LY96: variants seen among roughly 807,000 people sequenced by gnomAD.
LY96 encodes lymphocyte antigen 96.
Under a neutral mutation model 18.9 loss-of-function variants are expected in LY96, and 18 were observed. The observed-to-expected ratio is 0.95, with a 90% CI of 0.66 to 1.41. The LOEUF (loss-of-function observed/expected upper bound fraction) is 1.41. Ranked by LOEUF, LY96 falls within the 40% of genes most tolerant of loss-of-function variation. The pLI is 0.00. For missense variants in LY96, 175 were observed against 182.4 expected (o/e 0.96, Z 0.23); for synonymous variants, 66 against 62.6 (o/e 1.06, Z -0.26).
At chr8:74,015,438 T>C (rs1048636832) in intron 3 of LY96, among the ~76,000 whole-genome samples, 1 of 152,194 alleles carries the variant, frequency 6.6e-6, no homozygotes, top group African/African-American at 2.4e-5. Flanking sequence ...TGTCTTGCCT[T>C]GTAGATGGTC....
intron 2 of LY96, among the ~76,000 whole-genome samples, chr8:74,009,374 C>CAAAAAAAAAAAAAAAAAAAAAAA (rs370593442): frequency 5.1e-5 from 3 of 58,810 alleles, no homozygotes; most frequent in Admixed American, 2.0e-4. Flanking sequence ...CAGTCTTTCT[C>CAAAAAAAAAAAAAAAAAAAAAAA]AAAAAAAAAA....
chr8:74,079,593 T>C, the LY96 span: 1 of 152,202 alleles, frequency 6.6e-6, no homozygotes, highest in Non-Finnish European at 1.5e-5. Flanking sequence ...AAGATTAGGA[T>C]GGCCCCAGTG....
At chr8:74,011,517 G>A (rs1426763203) in intron 3 of LY96, among the ~76,000 whole-genome samples, 2 of 152,114 alleles carry the variant, frequency 1.3e-5, no homozygotes, top group African/African-American at 4.8e-5. Flanking sequence ...AATGTACAAA[G>A]AACTCAAGCA....
the LY96 span, among the ~76,000 whole-genome samples, chr8:74,095,321 T>C: frequency 3.3e-5 from 5 of 152,200 alleles, no homozygotes; most frequent in African/African-American, 1.2e-4. Context: ...CATAAAGCCT[T>C]TTCCTACACG....
chr8:74,062,574 C>A, the LY96 span, among the ~76,000 whole-genome samples: 1 of 152,140 alleles, frequency 6.6e-6, no homozygotes. Flanking sequence ...AGGACATGAT[C>A]TCATTCCTTT....
rs1816135382 is a variant in LY96, at chr8:73,996,372, C to CCTTCCTTCATTTCTTTCTTT, written c.112+4821_112+4822insCCTTCATTTCTTTCTTTCTT. Among the ~76,000 whole-genome samples the CCTTCCTTCATTTCTTTCTTT allele has an allele frequency of 2.1e-3, 232 of 111,004 alleles. 8 individuals carry two copies. Among genetic ancestry groups the CCTTCCTTCATTTCTTTCTTT allele is most frequent in the Middle Eastern group, 4.6e-3 (1 of 216 alleles). The allele number at this position is 111,004 out of a possible 152,430, so 72.8% of individuals were successfully genotyped here. On this transcript the variant is annotated intron_variant, in intron 1 of 4. Coordinates refer to ENST00000284818, the MANE Select transcript of LY96 (RefSeq NM_015364.5). ...TCCTTCCTTCCTTCCTTCCTTCATT[C>CCTTCCTTCATTTCTTTCTTT]CTTTCTTTCTTTCTTTCTTTCTTTC... is the stretch of plus-strand genomic sequence containing the variant.
At chr8:74,000,641 TC>T (rs1286885540) in intron 1 of LY96, among the ~76,000 whole-genome samples, 1 of 152,210 alleles carries the variant, frequency 6.6e-6, no homozygotes, top group African/African-American at 2.4e-5. Flanking sequence ...CAAAGCTGCT[TC>T]CATATTTTTA....
the LY96 span, among the ~76,000 whole-genome samples, chr8:74,077,100 T>C: frequency 6.6e-6 from 1 of 152,198 alleles, no homozygotes; most frequent in Non-Finnish European, 1.5e-5. Flanking sequence ...AAGAGATGCA[T>C]AGGGCAACAT....
chr8:74,040,682 A>G, the LY96 span, among the ~76,000 whole-genome samples: 1 of 134,638 alleles, frequency 7.4e-6, no homozygotes, highest in Non-Finnish European at 1.6e-5. Context: ...ATTCTTTTCC[A>G]TTACTCTATG....
the LY96 span, among the ~76,000 whole-genome samples, chr8:74,079,109 A>G: frequency 1.2e-4 from 19 of 152,222 alleles, no homozygotes; most frequent in Non-Finnish European, 2.5e-4. Context: ...GCTGGGCATC[A>G]TCCAATCTGT....
intron 3 of LY96, among the ~76,000 whole-genome samples, chr8:74,016,205 A>G (rs969356901): frequency 1.3e-5 from 2 of 152,182 alleles, no homozygotes; most frequent in Admixed American, 6.5e-5. Flanking sequence ...ACACCAGGAG[A>G]TTATATCCTG....
At chr8:74,049,982 A>T in the LY96 span, among the ~76,000 whole-genome samples, 1 of 152,074 alleles carries the variant, frequency 6.6e-6, no homozygotes, top group Non-Finnish European at 1.5e-5. Flanking sequence ...TGCACCACTG[A>T]ACTCCAGCCT....
the LY96 span, among the ~76,000 whole-genome samples, chr8:74,098,568 C>T: frequency 6.6e-6 from 1 of 152,048 alleles, no homozygotes; most frequent in African/African-American, 2.4e-5. Flanking sequence ...GTAGAGACTG[C>T]CATGTTGGCC....
downstream of LY96, among the ~76,000 whole-genome samples, chr8:74,031,055 T>C (rs1041931120): frequency 1.3e-5 from 2 of 151,854 alleles, no homozygotes; most frequent in African/African-American, 4.8e-5. Context: ...TGGCTGGGGC[T>C]ACCCCCGTGT....
chr8:74,058,757 A>G, the LY96 span, among the ~76,000 whole-genome samples: 1 of 152,140 alleles, frequency 6.6e-6, no homozygotes, highest in South Asian at 2.1e-4. Flanking sequence ...TGACCTCAGG[A>G]GATCCACCCG....
chr8:74,011,743 C>A (rs1816535971), intron 3 of LY96, among the ~76,000 whole-genome samples: 1 of 151,814 alleles, frequency 6.6e-6, no homozygotes, highest in Admixed American at 6.6e-5. Flanking sequence ...CCTGTAGTCC[C>A]AGCTACTTGA....
the LY96 span, among the ~76,000 whole-genome samples, chr8:74,038,486 A>T: frequency 5.9e-5 from 9 of 151,944 alleles, no homozygotes; most frequent in African/African-American, 2.2e-4. Context: ...TAGCATAATG[A>T]CCTCCGGTTC....
chr8:74,007,919 C>T (rs1816447833), intron 2 of LY96, among the ~76,000 whole-genome samples: 1 of 152,164 alleles, frequency 6.6e-6, no homozygotes, highest in African/African-American at 2.4e-5. Flanking sequence ...GCCACTGCAC[C>T]CAGCTAATTT....
the LY96 span, among the ~76,000 whole-genome samples, chr8:74,081,657 CT>C: frequency 2.6e-5 from 4 of 151,010 alleles, no homozygotes; most frequent in African/African-American, 7.3e-5. Context: ...GCTGGTGTTT[CT>C]TTTTTTTTCT....
Sources: allele counts gnomAD v4.1 joint callset (sites outside exome capture counted in the v4.1 genomes callset), GRCh38; gene constraint gnomAD v4.1.1; transcripts MANE v1.5; gene names NCBI Gene and HGNC (gene_info 2026-07-23, HGNC 2026-07-21).